Variants in ACAP2 observed in about 807,000 individuals in gnomAD.
ACAP2 encodes ArfGAP with coiled-coil, ankyrin repeat and PH domains 2, also known as arf-GAP with coiled-coil, ANK repeat and PH domain-containing protein 2.
Under a neutral mutation model 115.8 loss-of-function variants are expected in ACAP2, and 39 were observed. The observed-to-expected ratio is 0.34, with a 90% CI of 0.26 to 0.44. The LOEUF is 0.44. Ranked by LOEUF, ACAP2 falls within the 20% of genes least tolerant of loss-of-function variation. The probability of loss-of-function intolerance (pLI) is 1.00; values close to 1 mark genes in which losing one functional copy is unlikely to be tolerated. For synonymous variants in ACAP2, 289 were observed against 315.8 expected (o/e 0.92, Z 0.90); for missense variants, 662 against 927.6 (o/e 0.71, Z 3.72).
intron 7 of ACAP2, among the ~76,000 whole-genome samples, chr3:195,334,977 G>A (rs1420366657): frequency 6.6e-6 from 1 of 152,152 alleles, no homozygotes; most frequent in Non-Finnish European, 1.5e-5. Context: ...TTCAAGGTCA[G>A]TAAACTATGA....
chr3:195,412,371 G>A (rs897552480), intron 1 of ACAP2, among the ~76,000 whole-genome samples: 27 of 151,296 alleles, frequency 1.8e-4, no homozygotes, highest in African/African-American at 6.5e-4. Flanking sequence ...CTTGAGGTCA[G>A]GAGTTCGAGA....
intron 9 of ACAP2, among the ~76,000 whole-genome samples, chr3:195,325,038 A>C (rs1729686621): frequency 6.6e-6 from 1 of 152,220 alleles, no homozygotes; most frequent in African/African-American, 2.4e-5. Flanking sequence ...GCTTAAGCTC[A>C]TTAGTCACTG....
Position 195,306,620 on chromosome 3 carries a change from A to C in ACAP2, c.1011-4T>G, listed in dbSNP as rs746082637. 3.7e-6 allele frequency: 6 copies of C among 1,608,124 alleles called. No individual in the cohort carries two copies. Among genetic ancestry groups the C allele is most frequent in the Non-Finnish European group, 4.3e-6 (5 of 1,176,348 alleles). ...ATCTGCCTGGAGCATGCAACTTCTA[A>C]AAGGAAATAACATATTGTTTTCTCA... On this transcript the variant is annotated splice_polypyrimidine_tract_variant and splice_region_variant and intron_variant, in intron 12 of 22. Coordinates refer to ENST00000326793, the MANE Select transcript of ACAP2 (RefSeq NM_012287.6).
At chr3:195,292,477 A>G (rs772161126) in intron 18 of ACAP2, 25 bp from the exon 19 acceptor site, 6 of 1,561,896 alleles carry the variant, frequency 3.8e-6, no homozygotes, top group Non-Finnish European at 5.2e-6. Flanking sequence ...CATACACATC[A>G]ATAAAAATGA....
At chr3:195,371,666 T>A (rs1577372421) in intron 4 of ACAP2, among the ~76,000 whole-genome samples, 2 of 152,264 alleles carry the variant, frequency 1.3e-5, no homozygotes, top group South Asian at 2.1e-4. Flanking sequence ...AAATTCTTTT[T>A]ATTTTTGAGA....
intron 1 of ACAP2, among the ~76,000 whole-genome samples, chr3:195,405,414 C>T (rs141523632): frequency 1.3e-5 from 2 of 152,220 alleles, no homozygotes; most frequent in East Asian, 1.9e-4. Flanking sequence ...AGGTCTGGTA[C>T]GGTGGCTCAC....
chr3:195,306,839 A>G (rs1383574493), intron 12 of ACAP2: 6 of 352,558 alleles, frequency 1.7e-5, no homozygotes, highest in Admixed American at 4.9e-5. Flanking sequence ...CAAATAACCC[A>G]TCACTGAATA....
rs1207170995 is a variant in ACAP2, at chr3:195,275,409, G to T, written c.*3919C>A. Reference sequence around the variant, plus strand: ...ATTAAAATTACTTTTATAATGTTTTGCTTTCATTAATGTTTGTTATTGCAA... The same window carrying T: ...ATTAAAATTACTTTTATAATGTTTTTCTTTCATTAATGTTTGTTATTGCAA... On this transcript the variant is annotated 3_prime_UTR_variant, in exon 23 of 23. Coordinates refer to ENST00000326793, the MANE Select transcript of ACAP2 (RefSeq NM_012287.6). 2 of 152,128 alleles carry T rather than the reference G, an allele frequency of 1.3e-5. No homozygotes were observed. The highest frequency in any genetic ancestry group is 2.9e-5 in the Non-Finnish European group (2 of 68,014). 9.4% of individuals were successfully genotyped at this position (152,128 alleles called of 1,614,324 possible). A position where few individuals can be genotyped will look rare whatever the true frequency, so the allele number is the denominator to read the frequency against.
intron 1 of ACAP2, among the ~76,000 whole-genome samples, chr3:195,425,282 C>T (rs1046873120): frequency 2.0e-5 from 3 of 152,052 alleles, no homozygotes; most frequent in African/African-American, 7.2e-5. Context: ...TTAGTTACTA[C>T]ATTGTAAAAG....
At chr3:195,302,464 A>T (rs1728127817) in intron 13 of ACAP2, among the ~76,000 whole-genome samples, 1 of 152,228 alleles carries the variant, frequency 6.6e-6, no homozygotes, top group African/African-American at 2.4e-5. Context: ...CACTAGTCTA[A>T]CATGCAGGGT....
intron 10 of ACAP2, among the ~76,000 whole-genome samples, chr3:195,309,980 C>A (rs1010642804): frequency 2.0e-5 from 3 of 152,104 alleles, no homozygotes; most frequent in Non-Finnish European, 4.4e-5. Flanking sequence ...TCTTATCAAG[C>A]ATGAAAGGTA....
intron 10 of ACAP2, among the ~76,000 whole-genome samples, chr3:195,319,234 C>T (rs1352533712): frequency 2.6e-5 from 4 of 152,200 alleles, no homozygotes; most frequent in African/African-American, 7.2e-5. Context: ...CAGAAGTCTG[C>T]GGCAGGGGAG....
At chr3:195,345,185 T>C in intron 5 of ACAP2, 74 bp downstream of exon 5, 1 of 1,046,910 alleles carries the variant, frequency 9.6e-7, no homozygotes, top group Non-Finnish European at 1.5e-6. Flanking sequence ...ATATAACTTC[T>C]TCCAAAAGAT....
chr3:195,354,916 T>C (rs1731853489), intron 4 of ACAP2, among the ~76,000 whole-genome samples: 3 of 152,170 alleles, frequency 2.0e-5, no homozygotes, highest in Admixed American at 1.3e-4. Flanking sequence ...CAGGCTGGAG[T>C]GCAATGGCAT....
chr3:195,331,897 G>A (rs1730193193), intron 8 of ACAP2, among the ~76,000 whole-genome samples: 1 of 152,044 alleles, frequency 6.6e-6, no homozygotes, highest in Non-Finnish European at 1.5e-5. Flanking sequence ...CACTTTGGGA[G>A]GCTGAGGCGG....
rs1246498842 is a variant in ACAP2 at position 195,275,702 on chromosome 3, G to A, written c.*3626C>T. On this transcript the variant is annotated 3_prime_UTR_variant, in exon 23 of 23. Transcript: ENST00000326793. The stretch of plus-strand genomic sequence containing the variant: ...AGTGACCCTGCTCTGTAAAACAAAA[G>A]GAGCACCCTAGGATCAAAAAAGTAG... 1 of 152,128 alleles carries A rather than the reference G, an allele frequency of 6.6e-6. No homozygotes were observed. Among genetic ancestry groups the A allele is most frequent in the African/African-American group, 2.4e-5 (1 of 41,436 alleles). 9.4% of individuals were successfully genotyped at this position (152,128 alleles called of 1,614,324 possible).
chr3:195,428,369 T>C (rs1202298715), intron 1 of ACAP2, among the ~76,000 whole-genome samples: 1 of 151,358 alleles, frequency 6.6e-6, no homozygotes, highest in Non-Finnish European at 1.5e-5. Context: ...CACACTCATA[T>C]ATATAGGTCT....
chr3:195,290,805 T>C (rs1485749402), intron 20 of ACAP2, among the ~76,000 whole-genome samples: 2 of 148,528 alleles, frequency 1.3e-5, no homozygotes, highest in Non-Finnish European at 3.0e-5. Flanking sequence ...AGAGCAAGAC[T>C]TTATCTCAAA....
chr3:195,403,949 GAT>G (rs1201974772), intron 1 of ACAP2, among the ~76,000 whole-genome samples: 10 of 152,118 alleles, frequency 6.6e-5, no homozygotes, highest in Non-Finnish European at 1.2e-4. Context: ...AAAAAGTAAA[GAT>G]AGAGATGACT....
Sources: gnomAD v4.1 joint callset for allele counts (sites outside exome capture counted in the v4.1 genomes callset) on GRCh38, gnomAD v4.1.1 for gene constraint, MANE v1.5 for transcripts, NCBI Gene and HGNC (gene_info 2026-07-23, HGNC 2026-07-21) for gene names.